The following FGF1 variants were observed in gnomAD, a reference collection of about 807,000 sequenced individuals.
FGF1 encodes the protein fibroblast growth factor 1.
A neutral mutation model predicts 13.4 loss-of-function variants in FGF1; 9 were observed. The ratio of observed to expected loss-of-function variants is 0.67; its 90% CI spans 0.40 to 1.17. FGF1 has a LOEUF of 1.17. FGF1 is among the 50% of genes most tolerant of loss of function. FGF1 has a pLI of 0.01. For missense variants in FGF1, 156 were observed against 192.7 expected (o/e 0.81, Z 1.13); for synonymous variants, 93 against 79.0 (o/e 1.18, Z -0.94).
intron 1 of FGF1, among the ~76,000 whole-genome samples, chr5:142,670,128 T>A (rs1192279261): frequency 1.3e-5 from 2 of 152,186 alleles, no homozygotes; most frequent in Non-Finnish European, 2.9e-5. Context: ...TCAAGAAAGA[T>A]CTGCATGTGC....
intron 1 of FGF1, among the ~76,000 whole-genome samples, chr5:142,663,835 G>A (rs1370209859): frequency 2.0e-5 from 3 of 152,234 alleles, no homozygotes; most frequent in Non-Finnish European, 4.4e-5. Context: ...GGCTTTCGAA[G>A]AGGCAGGGTG....
intron 1 of FGF1, among the ~76,000 whole-genome samples, chr5:142,639,775 G>A (rs866315735): frequency 2.3e-4 from 35 of 152,098 alleles, no homozygotes; most frequent in African/African-American, 8.5e-4. Context: ...ATGTTAACCA[G>A]CTTGATCATA....
intron 2 of FGF1, among the ~76,000 whole-genome samples, chr5:142,604,845 T>C (rs919163230): frequency 6.6e-6 from 1 of 152,194 alleles, no homozygotes; most frequent in Non-Finnish European, 1.5e-5. Flanking sequence ...TGGGCTCCAA[T>C]TATGGGAATG....
intron 2 of FGF1, among the ~76,000 whole-genome samples, chr5:142,693,832 T>C (rs1179408415): frequency 6.6e-6 from 1 of 152,216 alleles, no homozygotes; most frequent in Non-Finnish European, 1.5e-5. Flanking sequence ...TTCTTCTGTA[T>C]TGGAGAACAT....
intron 1 of FGF1, among the ~76,000 whole-genome samples, chr5:142,661,781 A>T (rs926707997): frequency 1.3e-5 from 2 of 152,186 alleles, no homozygotes; most frequent in Non-Finnish European, 2.9e-5. Context: ...AGGCGGGCAG[A>T]TCACGAGGTC....
At chr5:142,661,673 A>G (rs1020578453) in intron 1 of FGF1, among the ~76,000 whole-genome samples, 6 of 152,184 alleles carry the variant, frequency 3.9e-5, no homozygotes, top group Non-Finnish European at 8.8e-5. Context: ...AATGTGGATG[A>G]ACCTTGAACA....
rs567060646 is a variant in FGF1 at position 142,667,430 on chromosome 5, C to G, written c.-35+18527G>C. ...TGAAACCCCGTCTCTACTAAAAATA[C>G]AAAAAATTAGCTGGGCGCGGTGGCG... On this transcript the variant is annotated intron_variant, in intron 1 of 3. Transcript: ENST00000337706. Among the ~76,000 whole-genome samples the G allele has an allele frequency of 3.3e-5, 5 of 150,046 alleles. No individual in the cohort carries two copies. In the South Asian group the frequency reaches 1.1e-3, roughly 32 times the overall value.
intron 1 of FGF1, among the ~76,000 whole-genome samples, chr5:142,650,959 T>G (rs1196015241): frequency 6.6e-6 from 1 of 152,158 alleles, no homozygotes; most frequent in African/African-American, 2.4e-5. Flanking sequence ...ACACTCATAC[T>G]CATTCCTAGC....
At chr5:142,611,398 A>T (rs1458820869) in intron 2 of FGF1, among the ~76,000 whole-genome samples, 5 of 152,234 alleles carry the variant, frequency 3.3e-5, no homozygotes, top group Non-Finnish European at 7.3e-5. Context: ...ACTGAGTCTC[A>T]GCGAGACTAA....
intron 1 of FGF1, among the ~76,000 whole-genome samples, chr5:142,647,742 G>T (rs953431011): frequency 6.6e-6 from 1 of 152,146 alleles, no homozygotes; most frequent in Non-Finnish European, 1.5e-5. Flanking sequence ...ATGAGGTCAG[G>T]TGTAGAATAT....
chr5:142,659,378 A>G (rs1768773856), intron 1 of FGF1, among the ~76,000 whole-genome samples: 2 of 151,572 alleles, frequency 1.3e-5, no homozygotes, highest in Admixed American at 6.6e-5. Flanking sequence ...ACAGGCACCC[A>G]CCACCACACC....
chr5:142,694,614 C>T (rs992392241), intron 2 of FGF1, among the ~76,000 whole-genome samples: 1 of 152,082 alleles, frequency 6.6e-6, no homozygotes, highest in Non-Finnish European at 1.5e-5. Context: ...TGCCAAACAC[C>T]CTGAGGGAGG....
intron 1 of FGF1, among the ~76,000 whole-genome samples, chr5:142,620,738 CTTAA>C (rs1761412892): frequency 2.0e-5 from 3 of 152,114 alleles, no homozygotes; most frequent in Non-Finnish European, 1.5e-5. Context: ...AACTAGTAAA[CTTAA>C]TTGATGAGTG....
intron 1 of FGF1, among the ~76,000 whole-genome samples, chr5:142,672,310 G>T (rs28625535): frequency 0.32 from 47,935 of 151,684 alleles, 7,998 homozygotes; most frequent in African/African-American, 0.43. Flanking sequence ...CAAAAATAAT[G>T]TTAGAGTAAC....
At chr5:142,612,313 G>A (rs1759233736) in intron 2 of FGF1, among the ~76,000 whole-genome samples, 1 of 152,186 alleles carries the variant, frequency 6.6e-6, no homozygotes, top group South Asian at 2.1e-4. Flanking sequence ...AGAAATTCCA[G>A]TATTGGAGCC....
intron 1 of FGF1, among the ~76,000 whole-genome samples, chr5:142,677,552 G>T (rs1296586083): frequency 6.6e-6 from 1 of 152,230 alleles, no homozygotes; most frequent in Non-Finnish European, 1.5e-5. Flanking sequence ...AACTGCAAGA[G>T]GCCAGCCCAC....
rs1754388435 is a variant in FGF1, at chr5:142,592,204, T to C, written c.*3086A>G. The C allele has an allele frequency of 2.5e-6, 1 of 396,722 alleles. No homozygotes were observed. The highest frequency in any genetic ancestry group is 4.4e-6 in the Non-Finnish European group (1 of 225,378). The allele number at this position is 396,722 out of a possible 1,614,324, so 24.6% of individuals were successfully genotyped here. ...CACCTATTATTGGAACATTTATTAATATTTGTAAGGTGCAGACTATGATAC... is the reference window on the plus strand; with the variant it reads ...CACCTATTATTGGAACATTTATTAACATTTGTAAGGTGCAGACTATGATAC... On this transcript the variant is annotated 3_prime_UTR_variant, in exon 4 of 4. Transcript: ENST00000337706.
At chr5:142,670,987 C>T (rs1303569501) in intron 1 of FGF1, among the ~76,000 whole-genome samples, 1 of 152,216 alleles carries the variant, frequency 6.6e-6, no homozygotes, top group Admixed American at 6.5e-5. Flanking sequence ...AGGGAAATCT[C>T]TACACAATTC....
chr5:142,631,783 T>A lies in FGF1; in HGVS notation c.-34-17622A>T, dbSNP rs1328928273. 4.8e-5 allele frequency among the ~76,000 whole-genome samples: 6 copies of A among 125,940 alleles called. No individual in the cohort carries two copies. The Admixed American group carries it at 4.9e-4, about 10-fold the overall frequency. 82.6% of individuals were successfully genotyped at this position (125,940 alleles called of 152,430 possible). On this transcript the variant is annotated intron_variant, in intron 1 of 3. Coordinates refer to ENST00000337706, the MANE Select transcript of FGF1 (RefSeq NM_000800.5). ...TTTAAATTTTATTTAAATTAGCTTT[T>A]TTTTTTTTTTTTTTTTTTGAGACGG...
Sources: allele counts gnomAD v4.1 joint callset (sites outside exome capture counted in the v4.1 genomes callset), GRCh38; gene constraint gnomAD v4.1.1; transcripts MANE v1.5; gene names NCBI Gene and HGNC (gene_info 2026-07-23, HGNC 2026-07-21).